RERE: variants seen among roughly 807,000 people sequenced by gnomAD.
RERE encodes the protein arginine-glutamic acid dipeptide repeats.
Under a neutral mutation model 146.1 loss-of-function variants are expected in RERE, and 40 were observed. The observed-to-expected ratio is 0.27, with a 90% CI of 0.21 to 0.36. The LOEUF is 0.36. RERE is among the 10% of genes least tolerant of loss of function. The pLI, the probability that RERE is intolerant of heterozygous loss-of-function variation, is 1.00. For synonymous variants in RERE, 1,003 were observed against 866.0 expected (o/e 1.16, Z -2.78); for missense variants, 1,933 against 2,138.7 (o/e 0.90, Z 1.90).
At chr1:8,702,160 T>C (rs938533979) in intron 1 of RERE, among the ~76,000 whole-genome samples, 1 of 151,952 alleles carries the variant, frequency 6.6e-6, no homozygotes, top group African/African-American at 2.4e-5. Context: ...TTTTACTCAG[T>C]GTCTCAATCT....
intron 1 of RERE, chr1:8,703,036 G>C (rs1464909569): frequency 6.6e-6 from 1 of 151,968 alleles, no homozygotes; most frequent in African/African-American, 2.4e-5. Context: ...CTCGACGCAC[G>C]AGGCCGCCGG....
intron 3 of RERE, among the ~76,000 whole-genome samples, chr1:8,620,115 T>C (rs1047216868): frequency 2.6e-5 from 4 of 152,192 alleles, no homozygotes; most frequent in African/African-American, 9.7e-5. Flanking sequence ...TAAAAGTAAG[T>C]AAGTCACATG....
intron 1 of RERE, among the ~76,000 whole-genome samples, chr1:8,661,740 C>T (rs968893254): frequency 9.9e-5 from 15 of 152,084 alleles, no homozygotes; most frequent in Non-Finnish European, 8.8e-5. Context: ...CATGGGGAGA[C>T]CAGGAATTTG....
At chr1:8,577,353 T>G (rs1646308899) in intron 4 of RERE, among the ~76,000 whole-genome samples, 1 of 152,212 alleles carries the variant, frequency 6.6e-6, no homozygotes, top group African/African-American at 2.4e-5. Context: ...GCTCTTTCTT[T>G]TTTATGTAGC....
At chr1:8,774,947 CTTTCTTTTTTTTTTTTTTT>C (rs1177022033) in intron 1 of RERE, among the ~76,000 whole-genome samples, 8 of 111,498 alleles carry the variant, frequency 7.2e-5, no homozygotes, top group African/African-American at 2.1e-4. Flanking sequence ...TTTCTTCTTT[CTTTCTTTTTTTTTTTTTTT>C]TTTTTTTTTT....
intron 1 of RERE, among the ~76,000 whole-genome samples, chr1:8,804,702 T>C (rs1381859717): frequency 1.3e-5 from 2 of 152,220 alleles, no homozygotes; most frequent in Non-Finnish European, 2.9e-5. Context: ...TCCTCCTTCC[T>C]GCTGGTGAGA....
In RERE at chr1:8,563,286, T is replaced by C. The variant is rs138339063; in HGVS notation, c.523-5763A>G. 4.2e-3 allele frequency among the ~76,000 whole-genome samples: 635 copies of C among 152,224 alleles called. 5 individuals carry two copies. The highest frequency in any genetic ancestry group is 0.015 in the African/African-American group (604 of 41,530). On this transcript the variant is annotated intron_variant, in intron 4 of 22. Transcript: ENST00000400908. ...GCAATGTTTTTCCACAACATAAAAATAGTAATAATAATCGAGGGGGTATCT... is the reference window on the plus strand; with the variant it reads ...GCAATGTTTTTCCACAACATAAAAACAGTAATAATAATCGAGGGGGTATCT...
At chr1:8,436,422 T>A (rs1644170650) in intron 11 of RERE, among the ~76,000 whole-genome samples, 1 of 152,238 alleles carries the variant, frequency 6.6e-6, no homozygotes, top group Non-Finnish European at 1.5e-5. Flanking sequence ...CTACAGTCGC[T>A]ACATAAATGC....
rs1646732347 is a variant in RERE at position 8,607,530 on chromosome 1, A to ATTTTTTTT, written c.522+7030_522+7031insAAAAAAAA. Among the ~76,000 whole-genome samples the ATTTTTTTT allele has an allele frequency of 1.6e-4, 9 of 57,594 alleles. No individual in the cohort carries two copies. In the East Asian group the frequency reaches 4.8e-3, roughly 31 times the overall value. The allele number at this position is 57,594 out of a possible 152,430, so 37.8% of individuals were successfully genotyped here. On this transcript the variant is annotated intron_variant, in intron 4 of 22. Transcript: ENST00000400908. Reference sequence around the variant, plus strand: ...GCCCCGCATATTTGTTTTTATATATATTTCTTTTTTTTTTTTTTTTTTTTT... The same window carrying ATTTTTTTT: ...GCCCCGCATATTTGTTTTTATATATATTTTTTTTTTTCTTTTTTTTTTTTTTTTTTTTT...
intron 12 of RERE, among the ~76,000 whole-genome samples, chr1:8,386,172 A>G (rs1011934418): frequency 2.0e-5 from 3 of 150,418 alleles, no homozygotes; most frequent in Non-Finnish European, 4.4e-5. Context: ...AAATATCAAG[A>G]TATTTAAGAA....
At position 8,498,732 on chromosome 1, in the gene RERE, T is replaced by TATACACACACACACACAC. The variant is rs150497092; in HGVS notation, c.880-1204_880-1203insGTGTGTGTGTGTGTGTAT. Among the ~76,000 whole-genome samples the TATACACACACACACACAC allele has an allele frequency of 2.9e-3, 315 of 107,786 alleles. 4 individuals carry two copies. Among genetic ancestry groups the TATACACACACACACACAC allele is most frequent in the African/African-American group, 5.2e-3 (139 of 26,508 alleles). The allele number at this position is 107,786 out of a possible 152,430, so 70.7% of individuals were successfully genotyped here. A position where few individuals can be genotyped will look rare whatever the true frequency, so the allele number is the denominator to read the frequency against. On this transcript the variant is annotated intron_variant, in intron 8 of 22. Transcript: ENST00000400908. ...AAATAAAAAAAAAAAAATAAATATA[T>TATACACACACACACACAC]ACACACACACACACACACACACACA...
chr1:8,786,321 G>C, intron 1 of RERE: 1 of 874,772 alleles, frequency 1.1e-6, no homozygotes, highest in Non-Finnish European at 1.9e-6. Flanking sequence ...AGGGCCACAG[G>C]AAGTTATTTG....
chr1:8,607,260 T>C (rs1043211388), intron 4 of RERE, among the ~76,000 whole-genome samples: 4 of 150,656 alleles, frequency 2.7e-5, no homozygotes, highest in Admixed American at 1.3e-4. Flanking sequence ...CTCAGGAGGC[T>C]GAGGTAGGAG....
At chr1:8,669,022 C>CTGTGTG (rs1156363327) in intron 1 of RERE, among the ~76,000 whole-genome samples, 1 of 22,464 alleles carries the variant, frequency 4.5e-5, no homozygotes, top group African/African-American at 2.1e-4. Flanking sequence ...ATGCACTCAA[C>CTGTGTG]TCTGTGTGTG....
chr1:8,466,414 C>T (rs74049669), intron 10 of RERE, among the ~76,000 whole-genome samples: 54 of 152,150 alleles, frequency 3.5e-4, no homozygotes, highest in African/African-American at 1.3e-3. Context: ...GAGCTATCAT[C>T]GCCCTACTTC....
At chr1:8,501,035 G>A (rs866918582) in intron 8 of RERE, among the ~76,000 whole-genome samples, 3,113 of 121,788 alleles carry the variant, frequency 0.026, 318 homozygotes, top group African/African-American at 0.097. Context: ...TCCGGGAGGG[G>A]GGGGGGGGGT....
intron 12 of RERE, among the ~76,000 whole-genome samples, chr1:8,418,108 T>G (rs1201381700): frequency 2.0e-5 from 3 of 152,338 alleles, no homozygotes; most frequent in Middle Eastern, 6.8e-3. Flanking sequence ...GCTGGCTCCC[T>G]GCAGGGCAGG....
chr1:8,767,724 G>C (rs1640874826), intron 1 of RERE, among the ~76,000 whole-genome samples: 1 of 152,102 alleles, frequency 6.6e-6, no homozygotes, highest in South Asian at 2.1e-4. Flanking sequence ...CACTTTGGGA[G>C]GCCAAGGCAG....
At chr1:8,773,867 A>C (rs1487986561) in intron 1 of RERE, among the ~76,000 whole-genome samples, 3 of 152,204 alleles carry the variant, frequency 2.0e-5, no homozygotes, top group African/African-American at 7.2e-5. Flanking sequence ...CTGTACATAC[A>C]TTTGACATCA....
Sources: allele counts gnomAD v4.1 joint callset (sites outside exome capture counted in the v4.1 genomes callset), GRCh38; gene constraint gnomAD v4.1.1; transcripts MANE v1.5; gene names NCBI Gene and HGNC (gene_info 2026-07-23, HGNC 2026-07-21).